ZCCHC17: variants seen among roughly 807,000 people sequenced by gnomAD.
ZCCHC17 encodes zinc finger CCHC-type containing 17.
ZCCHC17 carries 18 observed loss-of-function variants against 30.6 expected under a neutral mutation model. The observed-to-expected ratio is 0.59, with a 90% confidence interval of 0.41 to 0.87. The LOEUF is 0.87. Among genes scored for constraint, ZCCHC17 ranks in the 40% least tolerant of loss-of-function variants. ZCCHC17 has a pLI of 0.00. For missense variants in ZCCHC17, 263 were observed against 284.2 expected (o/e 0.93, Z 0.54); for synonymous variants, 88 against 92.4 (o/e 0.95, Z 0.27).
At chr1:31,343,395 G>A (rs912046089) in intron 5 of ZCCHC17, among the ~76,000 whole-genome samples, 1 of 152,158 alleles carries the variant, frequency 6.6e-6, no homozygotes, top group African/African-American at 2.4e-5. Context: ...GGACAGAGAG[G>A]CTTCTCGTCA....
chr1:31,297,937 C>A (rs61780093), intron 1 of ZCCHC17, among the ~76,000 whole-genome samples: 1 of 152,180 alleles, frequency 6.6e-6, no homozygotes, highest in Non-Finnish European at 1.5e-5. Context: ...TGAAGCTGTA[C>A]GTGATAGCGG....
intron 7 of ZCCHC17, among the ~76,000 whole-genome samples, chr1:31,355,643 T>C (rs1313247229): frequency 6.6e-6 from 1 of 152,232 alleles, no homozygotes; most frequent in Admixed American, 6.5e-5. Context: ...TCTTCAATTA[T>C]TCATTTACTG....
chr1:31,352,968 G>C (rs1639520357), intron 7 of ZCCHC17, among the ~76,000 whole-genome samples: 1 of 152,072 alleles, frequency 6.6e-6, no homozygotes, highest in African/African-American at 2.4e-5. Flanking sequence ...GTTTCCCATT[G>C]TACGTTCCCA....
chr1:31,334,331 CTCTCTCTGTGTGTG>C (rs1354578477), intron 3 of ZCCHC17, among the ~76,000 whole-genome samples: 19 of 61,262 alleles, frequency 3.1e-4, no homozygotes, highest in East Asian at 2.5e-3. Context: ...CTCTCTCTCT[CTCTCTCTGTGTGTG>C]TGTGTGTGTG....
intron 2 of ZCCHC17, among the ~76,000 whole-genome samples, chr1:31,310,978 C>T (rs1231343316): frequency 1.3e-5 from 2 of 152,162 alleles, no homozygotes; most frequent in Non-Finnish European, 2.9e-5. Context: ...TTAGTTAAAA[C>T]TCTCTATCTC....
chr1:31,304,170 A>G (rs575637221), intron 1 of ZCCHC17, among the ~76,000 whole-genome samples: 2 of 152,010 alleles, frequency 1.3e-5, no homozygotes, highest in Admixed American at 1.3e-4. Flanking sequence ...TTGCAAGGCA[A>G]CTCCAAATGG....
chr1:31,329,052 T>A (rs1015222063), intron 3 of ZCCHC17, among the ~76,000 whole-genome samples: 13 of 152,338 alleles, frequency 8.5e-5, no homozygotes, highest in South Asian at 4.1e-4. Flanking sequence ...TTCTGGTGAC[T>A]AGTCCATCCT....
intron 1 of ZCCHC17, among the ~76,000 whole-genome samples, chr1:31,300,628 G>C (rs376276709): frequency 3.9e-5 from 6 of 152,092 alleles, no homozygotes; most frequent in African/African-American, 9.7e-5. Context: ...TTTGAGAACA[G>C]GGACTGTGTT....
intron 7 of ZCCHC17, among the ~76,000 whole-genome samples, chr1:31,361,786 ATTATTTAT>A (rs3049344): frequency 0.039 from 5,667 of 145,858 alleles, 326 homozygotes; most frequent in East Asian, 0.11. Flanking sequence ...AGAGGGGGAG[ATTATTTAT>A]TTATTTATTT....
intron 7 of ZCCHC17, among the ~76,000 whole-genome samples, chr1:31,358,806 G>A (rs1416519095): frequency 6.6e-6 from 1 of 152,064 alleles, no homozygotes; most frequent in Non-Finnish European, 1.5e-5. Context: ...CAAGGGAGAG[G>A]CCCAGGTAAG....
At chr1:31,363,312 T>C (rs1162416346) in intron 7 of ZCCHC17, among the ~76,000 whole-genome samples, 1 of 151,792 alleles carries the variant, frequency 6.6e-6, no homozygotes, top group Non-Finnish European at 1.5e-5. Flanking sequence ...GCCTCCCGAG[T>C]AGCTGGGACT....
chr1:31,359,426 G>A (rs571989561), intron 7 of ZCCHC17, among the ~76,000 whole-genome samples: 124 of 152,118 alleles, frequency 8.2e-4, no homozygotes, highest in African/African-American at 2.9e-3. Flanking sequence ...GACTACAAGC[G>A]ATTCAAGGAG....
chr1:31,319,482 CCT>C (rs1646811936), intron 3 of ZCCHC17, among the ~76,000 whole-genome samples: 2 of 152,116 alleles, frequency 1.3e-5, no homozygotes, highest in Non-Finnish European at 2.9e-5. Flanking sequence ...GGGCAAGCTA[CCT>C]CTGTCTGAGG....
At chr1:31,349,103 C>G (rs572484016) in intron 7 of ZCCHC17, 129 bp downstream of exon 7, 31 of 1,137,030 alleles carry the variant, frequency 2.7e-5, no homozygotes, top group Middle Eastern at 2.9e-4. Flanking sequence ...GAGGATTGCT[C>G]GAGGCCAGAA....
intron 3 of ZCCHC17, among the ~76,000 whole-genome samples, chr1:31,324,215 G>T (rs1165048001): frequency 6.6e-6 from 1 of 152,232 alleles, no homozygotes; most frequent in South Asian, 2.1e-4. Flanking sequence ...GCATGCACCT[G>T]TAATTCCAGC....
chr1:31,329,294 A>G (rs1291735217), intron 3 of ZCCHC17, among the ~76,000 whole-genome samples: 1 of 152,196 alleles, frequency 6.6e-6, no homozygotes, highest in East Asian at 1.9e-4. Context: ...GAAACTTAAA[A>G]CAGCTACATG....
At chr1:31,340,609 G>A (rs1483697467) in intron 5 of ZCCHC17, among the ~76,000 whole-genome samples, 2 of 152,182 alleles carry the variant, frequency 1.3e-5, no homozygotes, top group Non-Finnish European at 2.9e-5. Flanking sequence ...GAGCCACCGC[G>A]CCCGGCCCTT....
rs183101054 is a variant in ZCCHC17, at chr1:31,319,086, A to T, written c.67-23A>T. On this transcript the variant is annotated intron_variant, in intron 2 of 7. Coordinates refer to ENST00000344147, the MANE Select transcript of ZCCHC17 (RefSeq NM_016505.4). ...AAAGATTCTCATGTATGTGACATTG[A>T]TTTTTTTCCCCCATCTTTATAGGTT... The T allele has an allele frequency of 8.8e-6, 14 of 1,599,144 alleles. No individual in the cohort carries two copies. In the African/African-American group the frequency reaches 1.7e-4, roughly 20 times the overall value.
At chr1:31,349,479 C>T (rs1042709265) in intron 7 of ZCCHC17, among the ~76,000 whole-genome samples, 10 of 151,320 alleles carry the variant, frequency 6.6e-5, no homozygotes, top group African/African-American at 9.8e-5. Flanking sequence ...TACAGGCATG[C>T]GCCACCATGC....
Sources: allele counts gnomAD v4.1 joint callset (sites outside exome capture counted in the v4.1 genomes callset), GRCh38; gene constraint gnomAD v4.1.1; transcripts MANE v1.5; gene names NCBI Gene and HGNC (gene_info 2026-07-23, HGNC 2026-07-21).